GLDC: variants seen among roughly 807,000 people sequenced by gnomAD.
The protein encoded by GLDC is glycine decarboxylase, also known as glycine dehydrogenase (decarboxylating), mitochondrial.
GLDC carries 104 observed loss-of-function variants against 121.3 expected under a neutral mutation model. That is an observed-to-expected ratio of 0.86 (90% CI 0.73 to 1.01). The LOEUF (loss-of-function observed/expected upper bound fraction) is 1.01. Ranked by LOEUF, GLDC falls within the 50% of genes least tolerant of loss-of-function variation. The pLI, the probability that GLDC is intolerant of heterozygous loss-of-function variation, is 0.00. For missense variants in GLDC, 1,429 were observed against 1,306.6 expected (o/e 1.09, Z -1.44); for synonymous variants, 546 against 480.6 (o/e 1.14, Z -1.78).
intron 20 of GLDC, among the ~76,000 whole-genome samples, chr9:6,551,383 C>G (rs898689156): frequency 3.9e-5 from 6 of 152,198 alleles, no homozygotes; most frequent in African/African-American, 1.4e-4. Flanking sequence ...TGTTTAAAAA[C>G]TGCTCAATCT....
intron 16 of GLDC, among the ~76,000 whole-genome samples, chr9:6,559,217 T>C (rs946171286): frequency 1.3e-5 from 2 of 152,186 alleles, no homozygotes; most frequent in African/African-American, 4.8e-5. Context: ...AACTAAGCAT[T>C]AATAATGATC....
chr9:6,611,887 G>C (rs1353571999), intron 3 of GLDC, among the ~76,000 whole-genome samples: 3 of 152,070 alleles, frequency 2.0e-5, no homozygotes, highest in African/African-American at 7.2e-5. Flanking sequence ...TAAAATGAAA[G>C]TTTTTTATTA....
chr9:6,561,185 C>A (rs1039074428), intron 16 of GLDC, among the ~76,000 whole-genome samples: 1 of 152,160 alleles, frequency 6.6e-6, no homozygotes, highest in African/African-American at 2.4e-5. Flanking sequence ...TTTATCATAG[C>A]AGCCATAGGA....
Position 6,639,668 on chromosome 9 carries a change from A to AAAAATATATATATATAT in GLDC, c.334+4945_334+4946insATATATATATATATTTT. 1,475 of 250,382 alleles carry AAAAATATATATATATAT rather than the reference A, an allele frequency of 5.9e-3. 41 individuals carry two copies. Among genetic ancestry groups the AAAAATATATATATATAT allele is most frequent in the African/African-American group, 0.055 (1,056 of 19,178 alleles). The allele number at this position is 250,382 out of a possible 1,614,324, so 15.5% of individuals were successfully genotyped here. A position where few individuals can be genotyped will look rare whatever the true frequency, so the allele number is the denominator to read the frequency against. On this transcript the variant is annotated intron_variant, in intron 2 of 24. Coordinates refer to ENST00000321612, the MANE Select transcript of GLDC (RefSeq NM_000170.3). ...ATATATCTTTTCACCATAAAAAAAA[A>AAAAATATATATATATAT]GTATATATATATATATATATGGACA...
intron 15 of GLDC, among the ~76,000 whole-genome samples, chr9:6,570,920 AT>A (rs1817952351): frequency 6.6e-6 from 1 of 152,076 alleles, no homozygotes; most frequent in Non-Finnish European, 1.5e-5. Flanking sequence ...TACATTTAAA[AT>A]GATACCTTTT....
At chr9:6,536,351 T>G (rs923646147) in intron 22 of GLDC, 115 bp from the exon 23 acceptor site, 14 of 913,570 alleles carry the variant, frequency 1.5e-5, no homozygotes, top group Non-Finnish European at 2.3e-5. Context: ...CAGATACATT[T>G]GCAAATGTAT....
intron 1 of GLDC, 37 bp downstream of exon 1, chr9:6,645,208 G>A (rs776714995): frequency 1.9e-6 from 3 of 1,549,694 alleles, no homozygotes; most frequent in South Asian, 2.4e-5. Flanking sequence ...GGGCAGGGCG[G>A]AGGGGAGGCC....
chr9:6,639,668 A>AAAAATATATATATATATATAT lies in GLDC; in HGVS notation c.334+4945_334+4946insATATATATATATATATATTTT. The AAAAATATATATATATATATAT allele has an allele frequency of 4.4e-4, 110 of 250,540 alleles. 1 individual carries two copies. Among genetic ancestry groups the AAAAATATATATATATATATAT allele is most frequent in the East Asian group, 2.6e-3 (23 of 8,696 alleles). 15.5% of individuals were successfully genotyped at this position (250,540 alleles called of 1,614,324 possible). The stretch of plus-strand genomic sequence containing the variant: ...ATATATCTTTTCACCATAAAAAAAA[A>AAAAATATATATATATATATAT]GTATATATATATATATATATGGACA... On this transcript the variant is annotated intron_variant, in intron 2 of 24. Transcript: ENST00000321612.
intron 9 of GLDC, 35 bp from the exon 10 acceptor site, chr9:6,593,025 T>C (rs369602148): frequency 4.3e-6 from 7 of 1,611,156 alleles, no homozygotes; most frequent in South Asian, 1.1e-5. Context: ...AACTCTCATA[T>C]AGAAACCTGC....
intron 16 of GLDC, among the ~76,000 whole-genome samples, chr9:6,563,666 A>G (rs78348469): frequency 0.018 from 2,669 of 152,334 alleles, 70 homozygotes; most frequent in African/African-American, 0.061. Context: ...TAAACTAATC[A>G]TTCCTTAGAA....
chr9:6,628,329 T>C (rs1035836853), intron 2 of GLDC, among the ~76,000 whole-genome samples: 3 of 152,248 alleles, frequency 2.0e-5, no homozygotes, highest in Middle Eastern at 3.4e-3. Flanking sequence ...GAAAACTAGA[T>C]TTTCCCCCCA....
rs560464021 is a variant in GLDC at position 6,635,860 on chromosome 9, G to C, written c.334+8754C>G. Among the ~76,000 whole-genome samples, 11 of 151,990 alleles carry C rather than the reference G, an allele frequency of 7.2e-5. No homozygotes were observed. The South Asian group carries it at 1.9e-3, about 26-fold the overall frequency. On this transcript the variant is annotated intron_variant, in intron 2 of 24. Coordinates refer to ENST00000321612, the MANE Select transcript of GLDC (RefSeq NM_000170.3). ...ACTGTAGTCGAGCCTGGGTGACATA[G>C]CAAGATACTGTCTCAAATAAAATAA...
At chr9:6,602,541 T>G (rs1216941556) in intron 7 of GLDC, among the ~76,000 whole-genome samples, 1 of 152,092 alleles carries the variant, frequency 6.6e-6, no homozygotes, top group Non-Finnish European at 1.5e-5. Context: ...TTAGTAGAGA[T>G]GGGGTTTCAC....
intron 2 of GLDC, among the ~76,000 whole-genome samples, chr9:6,621,768 A>C (rs949372827): frequency 5.9e-5 from 9 of 152,264 alleles, no homozygotes; most frequent in African/African-American, 2.2e-4. Flanking sequence ...CGCCCACCTC[A>C]GCCTCCCAAA....
chr9:6,614,277 C>T (rs140091301), intron 3 of GLDC, among the ~76,000 whole-genome samples: 1,795 of 152,330 alleles, frequency 0.012, 24 homozygotes, highest in African/African-American at 0.041. Flanking sequence ...CTCTGTCACA[C>T]AGACTGGAGT....
intron 3 of GLDC, 65 bp from the exon 4 acceptor site, chr9:6,610,421 T>C (rs1415895810): frequency 7.2e-6 from 11 of 1,517,312 alleles, no homozygotes; most frequent in African/African-American, 2.7e-5. Context: ...CAAAATGCTA[T>C]CATTTCAGAA....
chr9:6,571,257 T>C (rs1026017889), intron 15 of GLDC, among the ~76,000 whole-genome samples: 2 of 152,068 alleles, frequency 1.3e-5, no homozygotes, highest in Non-Finnish European at 2.9e-5. Context: ...CTGCAGGAAA[T>C]ATCTTCCGGG....
At position 6,644,833 on chromosome 9, in the gene GLDC, G is replaced by A. The variant is rs902247901; in HGVS notation, c.256-141C>T. The A allele has an allele frequency of 1.9e-5, 13 of 700,146 alleles. No homozygotes were observed. The East Asian group carries it at 3.2e-4, about 17-fold the overall frequency. 43.4% of individuals were successfully genotyped at this position (700,146 alleles called of 1,614,324 possible). On this transcript the variant is annotated intron_variant, in intron 1 of 24. Transcript: ENST00000321612. ...TTTTAAAAGAAAAGGAAAACTCTGA[G>A]CAAGCCAGAATGATTTGGAGGAAAG...
intron 11 of GLDC, among the ~76,000 whole-genome samples, chr9:6,589,618 T>G (rs77718587): frequency 0.017 from 2,539 of 152,132 alleles, 64 homozygotes; most frequent in African/African-American, 0.058. Context: ...CTAGAGACGA[T>G]GTTTCACCAT....
Sources: allele counts gnomAD v4.1 joint callset (sites outside exome capture counted in the v4.1 genomes callset), GRCh38; gene constraint gnomAD v4.1.1; transcripts MANE v1.5; gene names NCBI Gene and HGNC (gene_info 2026-07-23, HGNC 2026-07-21).